MLLT10: variants seen among roughly 807,000 people sequenced by gnomAD.
MLLT10 encodes the protein MLLT10 histone lysine methyltransferase DOT1L cofactor.
In MLLT10, 30 loss-of-function variants were observed where a neutral mutation model predicts 129.1. That is an observed-to-expected ratio of 0.23 (90% CI 0.17 to 0.32). The LOEUF (loss-of-function observed/expected upper bound fraction) is 0.32, where lower values mean the gene tolerates loss of function less well. Ranked by LOEUF, MLLT10 falls within the 10% of genes least tolerant of loss-of-function variation. The probability of loss-of-function intolerance (pLI) is 1.00; values close to 1 mark genes in which losing one functional copy is unlikely to be tolerated. For missense variants in MLLT10, 1,119 were observed against 1,268.3 expected (o/e 0.88, Z 1.79); for synonymous variants, 490 against 446.4 (o/e 1.10, Z -1.23).
At chr10:21,716,461 G>A (rs980582474) in intron 14 of MLLT10, among the ~76,000 whole-genome samples, 1 of 152,158 alleles carries the variant, frequency 6.6e-6, no homozygotes, top group Non-Finnish European at 1.5e-5. Context: ...GGGAGGCCAC[G>A]GTGGGTGGAT....
chr10:21,650,286 G>A (rs1006389328), intron 8 of MLLT10, among the ~76,000 whole-genome samples: 2 of 152,176 alleles, frequency 1.3e-5, no homozygotes, highest in Admixed American at 6.5e-5. Context: ...AGGAGGTTGA[G>A]GCTGTAGTGA....
chr10:21,678,760 C>G (rs1023746822), intron 11 of MLLT10, among the ~76,000 whole-genome samples: 2 of 152,246 alleles, frequency 1.3e-5, no homozygotes, highest in Admixed American at 1.3e-4. Flanking sequence ...AAAATGCTAT[C>G]TCATTCAGCT....
At chr10:21,669,153 G>T (rs2051134812) in intron 9 of MLLT10, 4 of 1,131,084 alleles carry the variant, frequency 3.5e-6, no homozygotes, top group African/African-American at 3.3e-5. Flanking sequence ...CTTGTTTGTG[G>T]ATTGTAGTTT....
At chr10:21,567,821 C>CTTTT in intron 3 of MLLT10, among the ~76,000 whole-genome samples, 1 of 137,546 alleles carries the variant, frequency 7.3e-6, no homozygotes, top group Non-Finnish European at 1.6e-5. Flanking sequence ...GGGGCTTCTT[C>CTTTT]TTTTTTTTTT....
intron 13 of MLLT10, among the ~76,000 whole-genome samples, chr10:21,697,615 A>T (rs2054504088): frequency 1.3e-5 from 2 of 152,246 alleles, no homozygotes; most frequent in South Asian, 4.1e-4. Context: ...ATAAAGCAAA[A>T]ATAGAGCAAC....
At chr10:21,703,520 G>A (rs1056210675) in intron 13 of MLLT10, among the ~76,000 whole-genome samples, 3 of 152,036 alleles carry the variant, frequency 2.0e-5, no homozygotes, top group Admixed American at 1.3e-4. Context: ...CCTCTATCTG[G>A]ATGTCTGTAT....
chr10:21,707,316 C>T (rs1296415971), intron 13 of MLLT10, among the ~76,000 whole-genome samples: 11 of 151,658 alleles, frequency 7.3e-5, no homozygotes, highest in Admixed American at 7.2e-4. Context: ...CCTCAGCCTC[C>T]CGTGTAGCTG....
At chr10:21,662,238 G>A (rs1175365080) in intron 9 of MLLT10, among the ~76,000 whole-genome samples, 1 of 152,014 alleles carries the variant, frequency 6.6e-6, no homozygotes, top group Non-Finnish European at 1.5e-5. Flanking sequence ...AAGTTTCTTT[G>A]ATAGCTGGTT....
intron 13 of MLLT10, among the ~76,000 whole-genome samples, chr10:21,684,618 C>A (rs916843409): frequency 2.0e-5 from 3 of 152,172 alleles, no homozygotes; most frequent in African/African-American, 4.8e-5. Flanking sequence ...AAACTCCTAA[C>A]CTTCATTCCA....
At chr10:21,561,494 C>T (rs1445916854) in intron 3 of MLLT10, among the ~76,000 whole-genome samples, 11 of 152,308 alleles carry the variant, frequency 7.2e-5, no homozygotes, top group East Asian at 3.9e-4. Flanking sequence ...CTCCTGACCT[C>T]GTGATCCGCC....
chr10:21,655,894 C>T (rs189560328), intron 9 of MLLT10, among the ~76,000 whole-genome samples: 3 of 151,938 alleles, frequency 2.0e-5, no homozygotes, highest in African/African-American at 7.3e-5. Flanking sequence ...ACCTTGTTCT[C>T]GGAGCACAGT....
intron 13 of MLLT10, chr10:21,708,766 A>C: frequency 1.0e-6 from 1 of 984,428 alleles, no homozygotes; most frequent in Non-Finnish European, 1.2e-6. Flanking sequence ...GTTTTACTGC[A>C]TGTTGTGATG....
chr10:21,636,007 T>G (rs2047428873), intron 8 of MLLT10, among the ~76,000 whole-genome samples: 1 of 151,656 alleles, frequency 6.6e-6, no homozygotes, highest in Non-Finnish European at 1.5e-5. Context: ...TACTCTTTTC[T>G]TGCTCCTCTT....
At chr10:21,625,809 T>C in intron 8 of MLLT10, 1 of 769,486 alleles carries the variant, frequency 1.3e-6, no homozygotes, top group Non-Finnish European at 2.4e-6. Flanking sequence ...CCACAGAAAG[T>C]GGTAAATGCC....
At chr10:21,578,897 A>G (rs765496093) in intron 3 of MLLT10, among the ~76,000 whole-genome samples, 1 of 152,224 alleles carries the variant, frequency 6.6e-6, no homozygotes, top group Non-Finnish European at 1.5e-5. Flanking sequence ...TTCAATAATC[A>G]TGTAATGTTA....
intron 3 of MLLT10, among the ~76,000 whole-genome samples, chr10:21,569,033 G>GA (rs1346426409): frequency 9.2e-5 from 14 of 152,250 alleles, no homozygotes; most frequent in East Asian, 3.9e-4. Flanking sequence ...ACAGTTGTAA[G>GA]AAAAAATTCA....
chr10:21,734,253 TTAAGTA>T, intron 20 of MLLT10, 124 bp downstream of exon 20: 2 of 1,083,252 alleles, frequency 1.8e-6, no homozygotes, highest in African/African-American at 1.6e-5. Context: ...GCCAAAAATT[TTAAGTA>T]TATTATACAG....
chr10:21,669,591 G>A (rs576652976), intron 9 of MLLT10, among the ~76,000 whole-genome samples: 1 of 152,258 alleles, frequency 6.6e-6, no homozygotes, highest in Admixed American at 6.5e-5. Flanking sequence ...GCATGCCTCA[G>A]ATACTTTAGT....
intron 3 of MLLT10, among the ~76,000 whole-genome samples, chr10:21,580,868 ATTTTTTTTTTTT>A (rs71393910): frequency 1.4e-5 from 1 of 73,298 alleles, no homozygotes; most frequent in Admixed American, 1.7e-4. Context: ...CGCCCAGCTC[ATTTTTTTTTTTT>A]TTTTTTTTTT....
Sources: allele counts gnomAD v4.1 joint callset (sites outside exome capture counted in the v4.1 genomes callset), GRCh38; gene constraint gnomAD v4.1.1; transcripts MANE v1.5; gene names NCBI Gene and HGNC (gene_info 2026-07-23, HGNC 2026-07-21).